Variants in FGD1 observed in about 807,000 individuals in gnomAD.
FGD1 encodes FYVE, RhoGEF and PH domain containing 1.
In FGD1, 12 loss-of-function variants were observed where a neutral mutation model predicts 65.0. The observed-to-expected ratio is 0.18, with a 90% CI of 0.12 to 0.30. The LOEUF (loss-of-function observed/expected upper bound fraction) is 0.30, where lower values mean the gene tolerates loss of function less well. Ranked by LOEUF, FGD1 falls within the 10% of genes least tolerant of loss-of-function variation. FGD1 has a pLI of 1.00. For synonymous variants in FGD1, 333 were observed against 343.9 expected (o/e 0.97, Z 0.35); for missense variants, 542 against 837.6 (o/e 0.65, Z 4.36).
chrX:54,446,225 T>C lies in FGD1; in HGVS notation c.2770A>G (p.Thr924Ala), dbSNP rs1476284069. The change falls in exon 18 of 18, where the codon ACG becomes GCG. Residue 924 changes from threonine to alanine, a missense_variant. Thr to Ala is a moderately conservative substitution (Grantham distance 58). Around this residue, in one of 6 missense-constraint regions of FGD1, gnomAD observed 182 missense variants for 311.4 expected, o/e 0.58. Coordinates refer to ENST00000375135, the MANE Select transcript of FGD1 (RefSeq NM_004463.3). ...GACAGTGTGGGCCCCGGGCAGAACG[T>C]GTCCCCTCGGCCCGCCCGGCCAAGC... ...AVLGRAGRGD[T>A]FCPGPTLSED... is the part of the protein sequence containing the mutation. 8.3e-7 allele frequency: 1 copy of C among 1,211,857 alleles called. No individual in the cohort carries two copies. The highest frequency in any genetic ancestry group is 1.1e-6 in the Non-Finnish European group (1 of 895,445).
chrX:54,453,601 C>T lies in FGD1; in HGVS notation c.2015+1847G>A, dbSNP rs188254992. Among the ~76,000 whole-genome samples the T allele has an allele frequency of 8.7e-4, 97 of 111,586 alleles. 1 individual carries two copies. The highest frequency in any genetic ancestry group is 1.3e-3 in the African/African-American group (39 of 30,728). On this transcript the variant is annotated intron_variant, in intron 12 of 17. Coordinates refer to ENST00000375135, the MANE Select transcript of FGD1 (RefSeq NM_004463.3). ...CTTTCTTTTTTAAGAGGCGAGGTCT[C>T]GTTATGTTGCCCAGGCTGGTCTCGA...
rs188640310 is a variant in FGD1 at position 54,467,775 on chromosome X, G to A, written c.1340+9C>T. 3.0e-4 allele frequency: 349 copies of A among 1,165,921 alleles called. 2 individuals carry two copies. In the East Asian group the frequency reaches 9.3e-3, roughly 31 times the overall value. On this transcript the variant is annotated intron_variant, in intron 6 of 17. Transcript: ENST00000375135. Reference sequence around the variant, plus strand: ...GGGGAGTGGGCAGTCTAGGTCTAGGGCCCCTCACCATTCCTCCATGCGCTT... The same window carrying A: ...GGGGAGTGGGCAGTCTAGGTCTAGGACCCCTCACCATTCCTCCATGCGCTT...
chrX:54,448,268 C>G (rs985047029), intron 16 of FGD1, among the ~76,000 whole-genome samples: 2 of 110,173 alleles, frequency 1.8e-5, no homozygotes, highest in Non-Finnish European at 3.8e-5. Flanking sequence ...TCACCGCAAC[C>G]TCTGCTTCCC....
Position 54,491,745 on chromosome X carries a change from A to AT in FGD1, c.307+3380dup, listed in dbSNP as rs949097212. Among the ~76,000 whole-genome samples, 71 of 109,926 alleles carry AT rather than the reference A, an allele frequency of 6.5e-4. 1 individual carries two copies. Among genetic ancestry groups the AT allele is most frequent in the Non-Finnish European group, 1.1e-3 (59 of 52,422 alleles). Reference sequence around the variant, plus strand: ...ACTCTGAGGTGGAGTGTGGAATCACATTTTTTTTTAAGGTCAACAAGAGAT... The same window carrying AT: ...ACTCTGAGGTGGAGTGTGGAATCACATTTTTTTTTTAAGGTCAACAAGAGAT... On this transcript the variant is annotated intron_variant, in intron 1 of 17. Transcript: ENST00000375135.
intron 8 of FGD1, among the ~76,000 whole-genome samples, chrX:54,458,631 G>C (rs1922565981): frequency 9.4e-6 from 1 of 106,503 alleles, no homozygotes; most frequent in South Asian, 4.3e-4. Flanking sequence ...CCCTAAACAT[G>C]TCCCGTCTTA....
chrX:54,473,450 C>T (rs1036065620), intron 1 of FGD1, among the ~76,000 whole-genome samples: 5 of 111,988 alleles, frequency 4.5e-5, no homozygotes, highest in African/African-American at 1.6e-4. Flanking sequence ...TGATACCACA[C>T]ACTCAGAAAC....
chrX:54,461,058 C>T (rs1922618040), intron 8 of FGD1, among the ~76,000 whole-genome samples: 1 of 111,635 alleles, frequency 9.0e-6, no homozygotes, highest in African/African-American at 3.3e-5. Flanking sequence ...TATCTGGAGC[C>T]CACTCTAGGT....
In FGD1 at chrX:54,468,719, C is replaced by T. The variant is rs1319946837; in HGVS notation, c.1191+68G>A. 2.7e-5 allele frequency: 20 copies of T among 744,327 alleles called. No individual in the cohort carries two copies. In the East Asian group the frequency reaches 5.7e-4, roughly 21 times the overall value. 61.3% of individuals were successfully genotyped at this position (744,327 alleles called of 1,213,427 possible). On this transcript the variant is annotated intron_variant, in intron 5 of 17. Coordinates refer to ENST00000375135, the MANE Select transcript of FGD1 (RefSeq NM_004463.3). Reference sequence around the variant, plus strand: ...ACAATGGTGGGATTGAACTCAGGCCCTATCACTGCCTCCTTGAAACGCACC... The same window carrying T: ...ACAATGGTGGGATTGAACTCAGGCCTTATCACTGCCTCCTTGAAACGCACC...
At chrX:54,454,939 C>A (rs73634948) in intron 12 of FGD1, among the ~76,000 whole-genome samples, 1 of 112,145 alleles carries the variant, frequency 8.9e-6, no homozygotes, top group African/African-American at 3.2e-5. Context: ...ACACCTAAGA[C>A]AGCAATAATT....
At chrX:54,462,617 C>CT (rs1922662682) in intron 8 of FGD1, among the ~76,000 whole-genome samples, 1 of 108,461 alleles carries the variant, frequency 9.2e-6, no homozygotes, top group Non-Finnish European at 1.9e-5. Flanking sequence ...GTCTCAAACT[C>CT]CAGACCTCAG....
At chrX:54,488,642 T>A (rs1272201922) in intron 1 of FGD1, among the ~76,000 whole-genome samples, 1 of 111,228 alleles carries the variant, frequency 9.0e-6, no homozygotes, top group African/African-American at 3.3e-5. Flanking sequence ...ACTACCGACT[T>A]TAAACTATAC....
chrX:54,494,402 CTTTTTT>C (rs56235590), intron 1 of FGD1, among the ~76,000 whole-genome samples: 13 of 60,743 alleles, frequency 2.1e-4, no homozygotes, highest in African/African-American at 2.9e-4. Context: ...CACCGTCTTT[CTTTTTT>C]TTTTTTTTTT....
intron 8 of FGD1, among the ~76,000 whole-genome samples, chrX:54,460,778 AAAAT>A (rs1401457418): frequency 5.3e-5 from 6 of 112,491 alleles, no homozygotes; most frequent in Non-Finnish European, 1.1e-4. Flanking sequence ...AAATAAATAA[AAAAT>A]AAATAAATTT....
chrX:54,466,903 C>A (rs961233811), intron 6 of FGD1, among the ~76,000 whole-genome samples: 2 of 108,615 alleles, frequency 1.8e-5, no homozygotes, highest in Non-Finnish European at 3.8e-5. Flanking sequence ...GCGCCCGCCA[C>A]CATGCCCGGC....
intron 5 of FGD1, 135 bp from the exon 6 acceptor site, chrX:54,468,067 G>A: frequency 3.5e-6 from 2 of 567,701 alleles, no homozygotes; most frequent in Admixed American, 2.9e-5. Flanking sequence ...GACAGGGAAT[G>A]GGGTTAGGGT....
At chrX:54,470,530 C>T in intron 3 of FGD1, 53 bp downstream of exon 3, 5 of 1,183,897 alleles carry the variant, frequency 4.2e-6, no homozygotes, top group Non-Finnish European at 5.7e-6. Context: ...ACTATCCCTT[C>T]CTGTCCCAGG....
At chrX:54,453,240 T>G (rs1488565066) in intron 12 of FGD1, among the ~76,000 whole-genome samples, 1 of 111,230 alleles carries the variant, frequency 9.0e-6, no homozygotes, top group Non-Finnish European at 1.9e-5. Context: ...TCCATGAGGC[T>G]CTCAATCTCC....
At position 54,496,000 on chromosome X, in the gene FGD1, G is replaced by T. The variant is rs1047967777; in HGVS notation, c.-568C>A. On this transcript the variant is annotated 5_prime_UTR_variant, in exon 1 of 18. Coordinates refer to ENST00000375135, the MANE Select transcript of FGD1 (RefSeq NM_004463.3). ...GGGGAGGGAAGAGAGAACGGCGGTG[G>T]CCGGGGGCGCGCGTGTGCGCTGCGC... 8.0e-5 allele frequency: 9 copies of T among 113,019 alleles called. No homozygotes were observed. Among genetic ancestry groups the T allele is most frequent in the African/African-American group, 2.9e-4 (9 of 31,173 alleles). 9.3% of individuals were successfully genotyped at this position (113,019 alleles called of 1,213,427 possible).
Position 54,495,402 on chromosome X carries a change from C to G in FGD1, c.31G>C (p.Gly11Arg), listed in dbSNP as rs1485178641. Residue 11 changes from glycine (G) to arginine (R), a missense_variant, in exon 1 of 18, where the codon GGG (glycine) becomes CGG (arginine). Physicochemically the swap from Gly to Arg is moderately radical, Grantham distance 125. Transcript: ENST00000375135. MHGHRAPGGA[G>R]PSEPEHPATN... Reference sequence around the variant, plus strand: ...GCCGGGTGTTCGGGCTCCGAAGGCCCGGCGCCCCCCGGGGCTCGGTGGCCA... The same window carrying G: ...GCCGGGTGTTCGGGCTCCGAAGGCCGGGCGCCCCCCGGGGCTCGGTGGCCA... 92 of 1,100,550 alleles carry G rather than the reference C, an allele frequency of 8.4e-5. No individual in the cohort carries two copies. The highest frequency in any genetic ancestry group is 1.1e-4 in the Non-Finnish European group (91 of 849,193). The allele number at this position is 1,100,550 out of a possible 1,213,427, so 90.7% of individuals were successfully genotyped here.
Sources: gnomAD v4.1 joint callset for allele counts (sites outside exome capture counted in the v4.1 genomes callset) on GRCh38, gnomAD v4.1.1 for gene constraint, gnomAD v4.1.1 regional missense constraint, MANE v1.5 for transcripts, NCBI Gene and HGNC (gene_info 2026-07-23, HGNC 2026-07-21) for gene names.